CNKSR2: variants seen among roughly 807,000 people sequenced by gnomAD.
The protein encoded by CNKSR2 is connector enhancer of kinase suppressor of Ras 2, also known as CNK homolog protein 2.
CNKSR2 carries 14 observed loss-of-function variants against 84.4 expected under a neutral mutation model. The ratio of observed to expected loss-of-function variants is 0.17; its 90% CI spans 0.11 to 0.26. The LOEUF (loss-of-function observed/expected upper bound fraction) is 0.26. CNKSR2 is among the 10% of genes least tolerant of loss of function. The pLI is 1.00. For missense variants in CNKSR2, 485 were observed against 771.2 expected, an observed-to-expected ratio of 0.63 and a Z score of 4.40; for synonymous variants, 275 against 277.9, an observed-to-expected ratio of 0.99 and a Z score of 0.10.
At chrX:21,480,083 T>C (rs769231467) in intron 5 of CNKSR2, among the ~76,000 whole-genome samples, 53 of 111,122 alleles carry the variant, frequency 4.8e-4, no homozygotes, top group African/African-American at 1.6e-3. Context: ...CTGCCCTCTA[T>C]TGACAAAAAC....
At chrX:21,415,762 G>A (rs918662791) in intron 1 of CNKSR2, among the ~76,000 whole-genome samples, 1 of 104,204 alleles carries the variant, frequency 9.6e-6, no homozygotes, top group Non-Finnish European at 2.0e-5. Context: ...TTGTGCACAT[G>A]TACCCTAGAA....
intron 11 of CNKSR2, among the ~76,000 whole-genome samples, chrX:21,546,616 C>T (rs1369451621): frequency 1.8e-5 from 2 of 110,466 alleles, no homozygotes; most frequent in African/African-American, 6.6e-5. Flanking sequence ...AACGCCAGGA[C>T]ACATAATCAT....
chrX:21,542,675 A>G (rs1443378152), intron 11 of CNKSR2, among the ~76,000 whole-genome samples: 2 of 111,584 alleles, frequency 1.8e-5, no homozygotes, highest in Non-Finnish European at 1.9e-5. Flanking sequence ...ATCATAACAC[A>G]TTTCTATGCA....
intron 1 of CNKSR2, among the ~76,000 whole-genome samples, chrX:21,413,759 A>G (rs1481657666): frequency 9.0e-6 from 1 of 110,582 alleles, no homozygotes; most frequent in Non-Finnish European, 1.9e-5. Flanking sequence ...TCCAGTTCCA[A>G]CCATGTCGTT....
chrX:21,439,382 C>T (rs186842304), intron 3 of CNKSR2, among the ~76,000 whole-genome samples: 133 of 110,667 alleles, frequency 1.2e-3, no homozygotes, highest in Middle Eastern at 4.7e-3. Context: ...GTGTATAGCA[C>T]TGAATGCTTA....
chrX:21,562,222 G>A (rs2092197639), intron 12 of CNKSR2, among the ~76,000 whole-genome samples: 1 of 110,701 alleles, frequency 9.0e-6, no homozygotes, highest in African/African-American at 3.3e-5. Flanking sequence ...TGTGGGTATG[G>A]TGGGCCCAGT....
At chrX:21,502,608 G>A (rs752424903) in intron 8 of CNKSR2, among the ~76,000 whole-genome samples, 29 of 110,900 alleles carry the variant, frequency 2.6e-4, no homozygotes, top group Non-Finnish European at 4.4e-4. Context: ...TAAGGCAAAT[G>A]ACATTTCAAT....
At chrX:21,530,781 A>G (rs1343936806) in intron 10 of CNKSR2, among the ~76,000 whole-genome samples, 1 of 111,013 alleles carries the variant, frequency 9.0e-6, no homozygotes, top group Non-Finnish European at 1.9e-5. Flanking sequence ...GCAGTGAAAC[A>G]TGTCATAAAA....
chrX:21,607,575 G>A (rs1181185859), intron 19 of CNKSR2, among the ~76,000 whole-genome samples: 1 of 111,360 alleles, frequency 9.0e-6, no homozygotes, highest in East Asian at 2.8e-4. Context: ...AGGCCAAGGC[G>A]GGCGGATCAC....
In CNKSR2 at chrX:21,638,297, T is replaced by C. The variant is rs1428350166; in HGVS notation, c.2693-10534T>C. Among the ~76,000 whole-genome samples, 3 of 112,185 alleles carry C rather than the reference T, an allele frequency of 2.7e-5. No individual in the cohort carries two copies. In the East Asian group the frequency reaches 8.4e-4, roughly 31 times the overall value. On this transcript the variant is annotated intron_variant, in intron 20 of 21. Transcript: ENST00000379510. Reference sequence around the variant, plus strand: ...GTCACTAATGGAAGCCTGATTATATTTCTAAAACTTATGTTTCCAGAATTT... The same window carrying C: ...GTCACTAATGGAAGCCTGATTATATCTCTAAAACTTATGTTTCCAGAATTT...
chrX:21,388,584 G>T (rs779802678), intron 1 of CNKSR2, among the ~76,000 whole-genome samples: 1 of 112,086 alleles, frequency 8.9e-6, no homozygotes, highest in Non-Finnish European at 1.9e-5. Flanking sequence ...GCTAAAGCTG[G>T]AACAATTTGA....
intron 20 of CNKSR2, among the ~76,000 whole-genome samples, chrX:21,629,212 T>C (rs1332939909): frequency 3.6e-5 from 4 of 112,139 alleles, no homozygotes; most frequent in Admixed American, 1.9e-4. Context: ...TCATTGTCCA[T>C]ATCATTATTA....
At chrX:21,515,904 T>C (rs929423439) in intron 8 of CNKSR2, among the ~76,000 whole-genome samples, 2 of 112,006 alleles carry the variant, frequency 1.8e-5, no homozygotes, top group Admixed American at 9.5e-5. Context: ...TATTATCTTG[T>C]TATTTTTGTT....
chrX:21,567,153 C>G (rs2092245974), intron 13 of CNKSR2, among the ~76,000 whole-genome samples: 1 of 111,621 alleles, frequency 9.0e-6, no homozygotes, highest in South Asian at 3.7e-4. Context: ...ACCCTCTGAA[C>G]TAAATCAGTT....
chrX:21,469,167 T>C (rs1401583243), intron 4 of CNKSR2, among the ~76,000 whole-genome samples: 1 of 111,834 alleles, frequency 8.9e-6, no homozygotes, highest in East Asian at 2.8e-4. Flanking sequence ...GAATTTTTAG[T>C]CATACCCTCT....
chrX:21,654,272 T>TAAAAAAAAA lies in CNKSR2; in HGVS notation c.*1765_*1773dup, dbSNP rs34844138. 7.5e-3 allele frequency: 452 copies of TAAAAAAAAA among 60,097 alleles called. 2 individuals carry two copies. Among genetic ancestry groups the TAAAAAAAAA allele is most frequent in the East Asian group, 0.019 (30 of 1,558 alleles). 5.0% of individuals were successfully genotyped at this position (60,097 alleles called of 1,213,427 possible). A position where few individuals can be genotyped will look rare whatever the true frequency, so the allele number is the denominator to read the frequency against. On this transcript the variant is annotated 3_prime_UTR_variant, in exon 22 of 22. Transcript: ENST00000379510. ...TTAAATTTGTGGGATTTTGTATATG[T>TAAAAAAAAA]AAAAAAAAAAAAAAAAAAAAAACAA...
At chrX:21,547,052 T>G (rs2092033282) in intron 11 of CNKSR2, among the ~76,000 whole-genome samples, 2 of 111,703 alleles carry the variant, frequency 1.8e-5, no homozygotes, top group Non-Finnish European at 3.8e-5. Context: ...AGCATCATAA[T>G]GACAGAATCA....
intron 13 of CNKSR2, among the ~76,000 whole-genome samples, chrX:21,575,016 A>G (rs1429031168): frequency 9.0e-6 from 1 of 111,103 alleles, no homozygotes; most frequent in Non-Finnish European, 1.9e-5. Context: ...TCCATACCCA[A>G]CAGTACTTAC....
At chrX:21,403,890 A>C (rs1367648731) in intron 1 of CNKSR2, among the ~76,000 whole-genome samples, 1 of 112,012 alleles carries the variant, frequency 8.9e-6, no homozygotes, top group Non-Finnish European at 1.9e-5. Context: ...CATGTATACC[A>C]CATGCTACTT....
Sources: gnomAD v4.1 joint callset for allele counts (sites outside exome capture counted in the v4.1 genomes callset) on GRCh38, gnomAD v4.1.1 for gene constraint, MANE v1.5 for transcripts, NCBI Gene and HGNC (gene_info 2026-07-23, HGNC 2026-07-21) for gene names.